Variants in PRKCB observed in about 807,000 individuals in gnomAD.
The protein encoded by PRKCB is protein kinase C beta type.
In PRKCB, 13 loss-of-function variants were observed where a neutral mutation model predicts 81.5. The observed-to-expected ratio is 0.16, with a 90% confidence interval of 0.10 to 0.25. The LOEUF is 0.25. PRKCB is among the 10% of genes least tolerant of loss of function. The probability of loss-of-function intolerance (pLI) is 1.00; values close to 1 mark genes in which losing one functional copy is unlikely to be tolerated. For missense variants in PRKCB, 509 were observed against 875.7 expected (o/e 0.58, Z 5.29); for synonymous variants, 335 against 321.4 (o/e 1.04, Z -0.45).
intron 8 of PRKCB, among the ~76,000 whole-genome samples, chr16:24,123,118 G>C (rs1966821702): frequency 6.6e-6 from 1 of 152,224 alleles, no homozygotes; most frequent in Admixed American, 6.5e-5. Flanking sequence ...GAAGAGAAGT[G>C]GATGAAGGAA....
rs191362032 is a variant in PRKCB at position 24,068,257 on chromosome 16, G to A, written c.530-24534G>A. ...CAACCTCTGCAGTGTGATTGGTAGA[G>A]ACTCAAGAGAAAAATCAATGCCTAG... On this transcript the variant is annotated intron_variant, in intron 5 of 16. Transcript: ENST00000643927. Among the ~76,000 whole-genome samples, 46 of 152,222 alleles carry A rather than the reference G, an allele frequency of 3.0e-4. No individual in the cohort carries two copies. The East Asian group carries it at 6.8e-3, about 22-fold the overall frequency.
intron 5 of PRKCB, among the ~76,000 whole-genome samples, chr16:24,071,187 T>C (rs970802802): frequency 2.0e-5 from 3 of 152,046 alleles, no homozygotes; most frequent in African/African-American, 7.2e-5. Context: ...GTCTTCATGA[T>C]ATACCCTAAG....
Position 24,194,951 on chromosome 16 carries a change from C to G in PRKCB, c.1863+3721C>G, listed in dbSNP as rs545752532. Among the ~76,000 whole-genome samples, 14 of 152,228 alleles carry G rather than the reference C, an allele frequency of 9.2e-5. No homozygotes were observed. The East Asian group carries it at 2.7e-3, about 29-fold the overall frequency. On this transcript the variant is annotated intron_variant, in intron 16 of 16. Transcript: ENST00000643927. The stretch of plus-strand genomic sequence containing the variant: ...AGGTACAGTGGCTCATGCCTGTAAT[C>G]CCCACACTTTGGAAGGCTGAGGCAG...
At chr16:24,041,978 C>A (rs1596525070) in intron 5 of PRKCB, among the ~76,000 whole-genome samples, 1 of 121,564 alleles carries the variant, frequency 8.2e-6, no homozygotes. Context: ...AGTGAGACTC[C>A]ATCTTGGAAA....
intron 2 of PRKCB, chr16:23,869,224 A>G (rs777623650): frequency 2.4e-6 from 1 of 415,660 alleles, no homozygotes; most frequent in Non-Finnish European, 5.0e-6. Flanking sequence ...TGTGTGGTTT[A>G]GCCATTGTTC....
chr16:24,053,498 T>C (rs1299705061), intron 5 of PRKCB, among the ~76,000 whole-genome samples: 1 of 152,210 alleles, frequency 6.6e-6, no homozygotes, highest in African/African-American at 2.4e-5. Flanking sequence ...TGTAGACCTC[T>C]GTTGTAGTGT....
At chr16:24,197,317 G>A in intron 16 of PRKCB, among the ~76,000 whole-genome samples, 1 of 152,160 alleles carries the variant, frequency 6.6e-6, no homozygotes, top group East Asian at 1.9e-4. Context: ...TGGAGAAAAT[G>A]ACGTTTCAGC....
chr16:24,219,456 A>T lies in PRKCB; in HGVS notation c.*4640A>T. The T allele has an allele frequency of 1.0e-6, 1 of 986,670 alleles. No individual in the cohort carries two copies. The highest frequency in any genetic ancestry group is 1.2e-6 in the Non-Finnish European group (1 of 830,888). 61.1% of individuals were successfully genotyped at this position (986,670 alleles called of 1,614,324 possible). ...CATTAAGCAGTGATCTGATTTCTCC[A>T]CATGGCCATTCTGCCTTCTTGGGGG... On this transcript the variant is annotated 3_prime_UTR_variant, in exon 17 of 17. Coordinates refer to ENST00000643927, the MANE Select transcript of PRKCB (RefSeq NM_002738.7).
chr16:23,935,702 G>C (rs920352813), intron 2 of PRKCB, among the ~76,000 whole-genome samples: 9 of 152,180 alleles, frequency 5.9e-5, no homozygotes, highest in African/African-American at 2.2e-4. Flanking sequence ...AGTCATAAAA[G>C]AGAATGAAAT....
chr16:24,135,039 C>T (rs1244819968), intron 9 of PRKCB, among the ~76,000 whole-genome samples: 1 of 151,744 alleles, frequency 6.6e-6, no homozygotes, highest in African/African-American at 2.4e-5. Context: ...CATATTAAAA[C>T]ATGTACTTCC....
At chr16:24,212,084 T>C (rs1395885562) in intron 16 of PRKCB, among the ~76,000 whole-genome samples, 3 of 152,144 alleles carry the variant, frequency 2.0e-5, no homozygotes, top group African/African-American at 7.2e-5. Context: ...CCAATTGCAA[T>C]GATCCTTTTT....
At chr16:24,062,772 C>T in intron 5 of PRKCB, among the ~76,000 whole-genome samples, 1 of 152,214 alleles carries the variant, frequency 6.6e-6, no homozygotes, top group Non-Finnish European at 1.5e-5. Context: ...TTACTGGCCC[C>T]TCACTCAGCT....
At chr16:24,114,284 AAGT>A (rs1966712102) in intron 8 of PRKCB, among the ~76,000 whole-genome samples, 1 of 149,516 alleles carries the variant, frequency 6.7e-6, no homozygotes, top group African/African-American at 2.5e-5. Context: ...AAAAAAAAAT[AAGT>A]AGACAGAGAA....
intron 2 of PRKCB, among the ~76,000 whole-genome samples, chr16:23,927,418 T>C (rs1963912077): frequency 1.3e-5 from 2 of 152,118 alleles, no homozygotes; most frequent in Non-Finnish European, 2.9e-5. Context: ...AGGAACCCTG[T>C]CATAAAGGGC....
chr16:24,013,549 A>T (rs368976366), intron 3 of PRKCB, among the ~76,000 whole-genome samples: 180 of 152,264 alleles, frequency 1.2e-3, no homozygotes, highest in African/African-American at 4.1e-3. Flanking sequence ...AGGCGCTTGG[A>T]ACAGTGCCTG....
At chr16:24,127,110 A>C (rs1966845895) in intron 9 of PRKCB, among the ~76,000 whole-genome samples, 1 of 147,938 alleles carries the variant, frequency 6.8e-6, no homozygotes, top group Admixed American at 6.9e-5. Flanking sequence ...GGTTCAAGTG[A>C]TTCTCCTGCC....
At chr16:24,017,383 A>T (rs1965293177) in intron 3 of PRKCB, among the ~76,000 whole-genome samples, 1 of 152,238 alleles carries the variant, frequency 6.6e-6, no homozygotes, top group Non-Finnish European at 1.5e-5. Flanking sequence ...TCAATGTAAA[A>T]AAGTGAAACC....
chr16:24,174,339 C>T, intron 11 of PRKCB, 179 bp from the exon 12 acceptor site: 2 of 588,850 alleles, frequency 3.4e-6, no homozygotes, highest in Non-Finnish European at 6.0e-6. Context: ...ACCCCATCAC[C>T]CTCTAAACCA....
chr16:24,044,768 A>T (rs747129351), intron 5 of PRKCB, among the ~76,000 whole-genome samples: 8 of 152,238 alleles, frequency 5.3e-5, no homozygotes, highest in Non-Finnish European at 1.0e-4. Flanking sequence ...AATGTAAAAT[A>T]TTTGTTCTCT....
Sources: gnomAD v4.1 joint callset for allele counts (sites outside exome capture counted in the v4.1 genomes callset) on GRCh38, gnomAD v4.1.1 for gene constraint, MANE v1.5 for transcripts, NCBI Gene and HGNC (gene_info 2026-07-23, HGNC 2026-07-21) for gene names.